RPS6KC1: variants seen among roughly 807,000 people sequenced by gnomAD.
The protein encoded by RPS6KC1 is inactive ribosomal protein S6 kinase delta-1.
Under a neutral mutation model 103.8 loss-of-function variants are expected in RPS6KC1, and 54 were observed. The ratio of observed to expected loss-of-function variants is 0.52; its 90% CI spans 0.42 to 0.65. RPS6KC1 has a LOEUF of 0.65. Ranked by LOEUF, RPS6KC1 falls within the 30% of genes least tolerant of loss-of-function variation. The pLI, the probability that RPS6KC1 is intolerant of heterozygous loss-of-function variation, is 0.00. For missense variants in RPS6KC1, 1,151 were observed against 1,253.8 expected (o/e 0.92, Z 1.24); for synonymous variants, 439 against 438.7 (o/e 1.00, Z -0.01).
chr1:213,488,511 T>C, the RPS6KC1 span, among the ~76,000 whole-genome samples: 3 of 152,142 alleles, frequency 2.0e-5, no homozygotes, highest in African/African-American at 7.2e-5. Flanking sequence ...GTCTGTTTCT[T>C]CATGCCCAGC....
chr1:213,616,227 C>T, the RPS6KC1 span, among the ~76,000 whole-genome samples: 1 of 152,224 alleles, frequency 6.6e-6, no homozygotes, highest in African/African-American at 2.4e-5. Context: ...TAAGCAAATG[C>T]TGCGCTAAGT....
At chr1:213,153,567 G>T (rs1221833802) in intron 6 of RPS6KC1, among the ~76,000 whole-genome samples, 1 of 152,070 alleles carries the variant, frequency 6.6e-6, no homozygotes. Context: ...ATTTTTCATT[G>T]GTTCATCATT....
chr1:213,547,183 T>C, the RPS6KC1 span, among the ~76,000 whole-genome samples: 1 of 152,202 alleles, frequency 6.6e-6, no homozygotes, highest in East Asian at 1.9e-4. Context: ...ATCAGCATGA[T>C]TTATGACTGT....
the RPS6KC1 span, among the ~76,000 whole-genome samples, chr1:213,846,982 T>G: frequency 6.6e-5 from 10 of 152,182 alleles, no homozygotes; most frequent in African/African-American, 2.2e-4. Context: ...TGTGTCCATG[T>G]ATAATTTTAA....
At chr1:213,157,753 T>C (rs573608971) in intron 6 of RPS6KC1, among the ~76,000 whole-genome samples, 1 of 152,318 alleles carries the variant, frequency 6.6e-6, no homozygotes, top group Non-Finnish European at 1.5e-5. Flanking sequence ...TTCTGTCTCT[T>C]TGTTCTAGCG....
the RPS6KC1 span, among the ~76,000 whole-genome samples, chr1:213,715,957 A>C: frequency 6.9e-6 from 1 of 145,580 alleles, no homozygotes; most frequent in Admixed American, 6.9e-5. Context: ...TTTAACTGGT[A>C]AGTTTTAATT....
the RPS6KC1 span, among the ~76,000 whole-genome samples, chr1:213,539,499 C>G: frequency 6.6e-6 from 1 of 152,188 alleles, no homozygotes; most frequent in Admixed American, 6.5e-5. Context: ...GGGTCCTGCT[C>G]CAGACTGGGC....
At chr1:213,831,641 G>A in the RPS6KC1 span, among the ~76,000 whole-genome samples, 6 of 152,138 alleles carry the variant, frequency 3.9e-5, no homozygotes, top group Non-Finnish European at 8.8e-5. Flanking sequence ...ATTTGTGTTT[G>A]TATTATAATA....
the RPS6KC1 span, among the ~76,000 whole-genome samples, chr1:213,780,308 A>G: frequency 2.6e-5 from 4 of 152,186 alleles, no homozygotes; most frequent in African/African-American, 7.2e-5. Flanking sequence ...ATGCTGGGGC[A>G]AAAAGCAGCG....
At chr1:213,304,118 A>G in the RPS6KC1 span, among the ~76,000 whole-genome samples, 1 of 149,068 alleles carries the variant, frequency 6.7e-6, no homozygotes, top group Non-Finnish European at 1.5e-5. Flanking sequence ...AGGCAGGAGA[A>G]TGGCGTGAAC....
intron 8 of RPS6KC1, among the ~76,000 whole-genome samples, chr1:213,225,098 T>C (rs1395538816): frequency 1.3e-5 from 2 of 152,172 alleles, no homozygotes; most frequent in Non-Finnish European, 2.9e-5. Flanking sequence ...AACTAAACAT[T>C]ATTGCCAAAC....
At chr1:213,288,614 C>A in the RPS6KC1 span, among the ~76,000 whole-genome samples, 1 of 152,178 alleles carries the variant, frequency 6.6e-6, no homozygotes, top group African/African-American at 2.4e-5. Context: ...AAGTAAACTT[C>A]GATTTGGCTT....
the RPS6KC1 span, among the ~76,000 whole-genome samples, chr1:213,576,253 C>A: frequency 6.6e-6 from 1 of 151,574 alleles, no homozygotes; most frequent in African/African-American, 2.4e-5. Flanking sequence ...AATTTAAAAA[C>A]AATATAGTAT....
At chr1:213,584,469 A>ACATCTGG in the RPS6KC1 span, among the ~76,000 whole-genome samples, 1 of 152,338 alleles carries the variant, frequency 6.6e-6, no homozygotes, top group South Asian at 2.1e-4. Context: ...ACAAATGCCA[A>ACATCTGG]CATCTGGCTT....
the RPS6KC1 span, among the ~76,000 whole-genome samples, chr1:213,603,515 A>G: frequency 6.6e-6 from 1 of 152,176 alleles, no homozygotes; most frequent in African/African-American, 2.4e-5. Flanking sequence ...TATACCTAAC[A>G]TCCAAGCGGC....
At chr1:213,472,547 T>C in the RPS6KC1 span, among the ~76,000 whole-genome samples, 3,980 of 152,300 alleles carry the variant, frequency 0.026, 167 homozygotes, top group African/African-American at 0.083. Flanking sequence ...TCAATGGGTG[T>C]CCTTATCTAC....
chr1:213,695,427 C>A, the RPS6KC1 span, among the ~76,000 whole-genome samples: 1 of 152,276 alleles, frequency 6.6e-6, no homozygotes, highest in South Asian at 2.1e-4. Flanking sequence ...GGCAACCCCA[C>A]TGAGGGCCAG....
chr1:213,134,398 T>A (rs1321088188), intron 6 of RPS6KC1, among the ~76,000 whole-genome samples: 1 of 152,040 alleles, frequency 6.6e-6, no homozygotes, highest in African/African-American at 2.4e-5. Flanking sequence ...GCATACATTA[T>A]GAGTGACATT....
intron 12 of RPS6KC1, 63 bp from the exon 13 acceptor site, chr1:213,261,495 G>A: frequency 1.4e-6 from 2 of 1,441,090 alleles, no homozygotes; most frequent in Non-Finnish European, 2.0e-6. Context: ...GCTAATACAT[G>A]TTAATTTTGA....
Sources: allele counts gnomAD v4.1 joint callset (sites outside exome capture counted in the v4.1 genomes callset), GRCh38; gene constraint gnomAD v4.1.1; transcripts MANE v1.5; gene names NCBI Gene and HGNC (gene_info 2026-07-23, HGNC 2026-07-21).